HNF1B: variants seen among roughly 807,000 people sequenced by gnomAD.
The protein encoded by HNF1B is hepatocyte nuclear factor 1-beta.
HNF1B carries 8 observed loss-of-function variants against 61.7 expected under a neutral mutation model. The ratio of observed to expected loss-of-function variants is 0.13; its 90% CI spans 0.08 to 0.23. The LOEUF (loss-of-function observed/expected upper bound fraction) is 0.23, where lower values mean the gene tolerates loss of function less well. HNF1B is among the 10% of genes least tolerant of loss of function. HNF1B has a pLI of 1.00. For synonymous variants in HNF1B, 314 were observed against 287.7 expected (o/e 1.09, Z -0.93); for missense variants, 562 against 714.5 (o/e 0.79, Z 2.43).
At chr17:37,687,458 G>A (rs187543761) in intron 8 of HNF1B, 66 bp from the exon 9 acceptor site, 858 of 1,304,606 alleles carry the variant, frequency 6.6e-4, no homozygotes, top group Non-Finnish European at 8.7e-4. Context: ...CCATTAGTTT[G>A]GCTTCTCTAA....
chr17:37,735,811 T>C (rs2033816528), intron 2 of HNF1B, among the ~76,000 whole-genome samples: 1 of 152,212 alleles, frequency 6.6e-6, no homozygotes, highest in Admixed American at 6.5e-5. Context: ...CAGGCTGGAA[T>C]GCAGTAGTAC....
intron 4 of HNF1B, among the ~76,000 whole-genome samples, chr17:37,727,094 C>A (rs78094879): frequency 6.6e-6 from 1 of 152,208 alleles, no homozygotes; most frequent in African/African-American, 2.4e-5. Flanking sequence ...GTTTCCATCC[C>A]GCGCCAACTT....
At chr17:37,711,310 C>T (rs2032929020) in intron 4 of HNF1B, among the ~76,000 whole-genome samples, 1 of 152,178 alleles carries the variant, frequency 6.6e-6, no homozygotes, top group South Asian at 2.1e-4. Flanking sequence ...CATTCCTTTG[C>T]TGGGGGTCCC....
chr17:37,724,467 C>T (rs2033427550), intron 4 of HNF1B, among the ~76,000 whole-genome samples: 2 of 152,110 alleles, frequency 1.3e-5, no homozygotes, highest in South Asian at 4.1e-4. Context: ...GAACTATTGT[C>T]CTACAGCGGG....
intron 2 of HNF1B, among the ~76,000 whole-genome samples, chr17:37,737,738 A>G (rs1015292817): frequency 3.7e-4 from 56 of 151,962 alleles, no homozygotes; most frequent in Non-Finnish European, 7.4e-4. Flanking sequence ...GGGAGGCTGA[A>G]GCAGGAGAAT....
intron 5 of HNF1B, among the ~76,000 whole-genome samples, chr17:37,706,925 A>C (rs1355813720): frequency 1.3e-5 from 2 of 152,186 alleles, no homozygotes; most frequent in East Asian, 3.8e-4. Context: ...CATTATTACT[A>C]TCAGTCCCTG....
chr17:37,740,964 GAACAA>G (rs2033974930), intron 1 of HNF1B, among the ~76,000 whole-genome samples: 1 of 152,246 alleles, frequency 6.6e-6, no homozygotes, highest in East Asian at 1.9e-4. Flanking sequence ...GTGCAGCACA[GAACAA>G]AAGTACTAAA....
At chr17:37,722,194 T>C (rs1253927711) in intron 4 of HNF1B, among the ~76,000 whole-genome samples, 1 of 152,230 alleles carries the variant, frequency 6.6e-6, no homozygotes. Context: ...TCCTTCCCGA[T>C]TGAAACTACA....
intron 2 of HNF1B, among the ~76,000 whole-genome samples, chr17:37,735,397 C>T (rs997096023): frequency 1.2e-4 from 19 of 152,186 alleles, no homozygotes; most frequent in African/African-American, 3.1e-4. Context: ...GCCCCTAGCC[C>T]GCCAAGACTT....
At chr17:37,688,770 C>G (rs2032079900) in intron 8 of HNF1B, among the ~76,000 whole-genome samples, 1 of 152,132 alleles carries the variant, frequency 6.6e-6, no homozygotes, top group Admixed American at 6.5e-5. Context: ...CTGTGGAGTC[C>G]TGAGCATGGT....
chr17:37,731,348 C>T, intron 4 of HNF1B: 1 of 626,990 alleles, frequency 1.6e-6, no homozygotes, highest in Non-Finnish European at 2.9e-6. Flanking sequence ...GGGAAGGAGA[C>T]AAATAGGGTA....
At chr17:37,725,372 G>C (rs1043828587) in intron 4 of HNF1B, among the ~76,000 whole-genome samples, 3 of 152,192 alleles carry the variant, frequency 2.0e-5, no homozygotes, top group Non-Finnish European at 4.4e-5. Flanking sequence ...ACAGCAGCCT[G>C]GTTTCTTTGT....
chr17:37,699,306 G>A, intron 7 of HNF1B, 112 bp from the exon 8 acceptor site: 1 of 828,404 alleles, frequency 1.2e-6, no homozygotes, highest in South Asian at 1.3e-5. Flanking sequence ...TAAAAGGGCT[G>A]GTGGTTATAG....
intron 5 of HNF1B, among the ~76,000 whole-genome samples, chr17:37,709,318 G>A (rs1402546410): frequency 2.0e-5 from 3 of 152,218 alleles, no homozygotes; most frequent in East Asian, 3.9e-4. Flanking sequence ...GCAGTGGTGT[G>A]AGCTCACTGC....
chr17:37,724,924 GTGTGTGTGTGTGTATA>G (rs2033445240), intron 4 of HNF1B, among the ~76,000 whole-genome samples: 2 of 137,676 alleles, frequency 1.5e-5, no homozygotes, highest in Non-Finnish European at 3.1e-5. Flanking sequence ...GTGTGTGTGT[GTGTGTGTGTGTGTATA>G]TATATATAAT....
At chr17:37,694,431 C>G (rs2032308455) in intron 8 of HNF1B, among the ~76,000 whole-genome samples, 1 of 23,560 alleles carries the variant, frequency 4.2e-5, no homozygotes, top group African/African-American at 1.1e-4. Flanking sequence ...CATCCCCCCG[C>G]CCCGCCGCCC....
At chr17:37,698,831 C>T (rs2032468247) in intron 8 of HNF1B, among the ~76,000 whole-genome samples, 1 of 152,160 alleles carries the variant, frequency 6.6e-6, no homozygotes, top group African/African-American at 2.4e-5. Context: ...CAGTCTCCAG[C>T]AACCTATCAA....
chr17:37,700,142 G>A (rs1305637382), intron 7 of HNF1B, among the ~76,000 whole-genome samples: 1 of 152,166 alleles, frequency 6.6e-6, no homozygotes, highest in Non-Finnish European at 1.5e-5. Flanking sequence ...TTAAATCCAG[G>A]TCTGTCTGAT....
chr17:37,693,897 C>A (rs1033461371), intron 8 of HNF1B, among the ~76,000 whole-genome samples: 6 of 152,206 alleles, frequency 3.9e-5, no homozygotes, highest in African/African-American at 1.4e-4. Context: ...TCTTCCCTTT[C>A]TCTCTCTTGC....
Sources: allele counts gnomAD v4.1 joint callset (sites outside exome capture counted in the v4.1 genomes callset), GRCh38; gene constraint gnomAD v4.1.1; transcripts MANE v1.5; gene names NCBI Gene and HGNC (gene_info 2026-07-23, HGNC 2026-07-21).